CCSER1: variants seen among roughly 807,000 people sequenced by gnomAD.
CCSER1 encodes serine-rich coiled-coil domain-containing protein 1.
CCSER1 carries 41 observed loss-of-function variants against 82.0 expected under a neutral mutation model. The observed-to-expected ratio is 0.50, with a 90% CI of 0.39 to 0.65. The LOEUF is 0.65. Ranked by LOEUF, CCSER1 falls within the 30% of genes least tolerant of loss-of-function variation. The pLI, the probability that CCSER1 is intolerant of heterozygous loss-of-function variation, is 0.00. For missense variants in CCSER1, 1,119 were observed against 1,064.2 expected, an observed-to-expected ratio of 1.05 and a Z score of -0.72; for synonymous variants, 414 against 383.9, an observed-to-expected ratio of 1.08 and a Z score of -0.92.
At chr4:91,198,124 C>A (rs1581755237) in intron 10 of CCSER1, among the ~76,000 whole-genome samples, 1 of 152,242 alleles carries the variant, frequency 6.6e-6, no homozygotes, top group South Asian at 2.1e-4. Context: ...CCTTAATTTA[C>A]AAATGACAGA....
chr4:91,581,701 A>G (rs188544877), intron 10 of CCSER1, among the ~76,000 whole-genome samples: 1 of 151,744 alleles, frequency 6.6e-6, no homozygotes, highest in East Asian at 1.9e-4. Context: ...AAATTCAAAA[A>G]TAAGTATTAG....
At chr4:90,773,117 T>G (rs75038646) in intron 7 of CCSER1, among the ~76,000 whole-genome samples, 39,145 of 151,954 alleles carry the variant, frequency 0.26, 5,801 homozygotes, top group East Asian at 0.34. Flanking sequence ...GTGCATGCCC[T>G]TAATCCTAGC....
At chr4:90,710,314 G>A (rs910276710) in intron 6 of CCSER1, among the ~76,000 whole-genome samples, 1 of 151,866 alleles carries the variant, frequency 6.6e-6, no homozygotes, top group Admixed American at 6.6e-5. Flanking sequence ...TTTTTGCTGT[G>A]CAGCAGTTCT....
intron 3 of CCSER1, among the ~76,000 whole-genome samples, chr4:90,314,141 G>A (rs1735760317): frequency 6.6e-6 from 1 of 151,878 alleles, no homozygotes; most frequent in Non-Finnish European, 1.5e-5. Flanking sequence ...CTTAATCCTG[G>A]GCAAATTTGT....
Position 90,850,474 on chromosome 4 carries a change from G to A in CCSER1, c.2094+34629G>A, listed in dbSNP as rs368156011. Among the ~76,000 whole-genome samples the A allele has an allele frequency of 2.0e-4, 30 of 152,338 alleles. No individual in the cohort carries two copies. The East Asian group carries it at 4.6e-3, about 24-fold the overall frequency. ...CTTTATCCTGCAAATCTACAGGGGC[G>A]GAGCTGCCCAAGGCCATGGGAGCCC... On this transcript the variant is annotated intron_variant, in intron 8 of 10. Coordinates refer to ENST00000509176, the MANE Select transcript of CCSER1 (RefSeq NM_001145065.2).
chr4:90,264,802 G>T (rs1357370404), intron 1 of CCSER1, among the ~76,000 whole-genome samples: 1 of 151,894 alleles, frequency 6.6e-6, no homozygotes, highest in Non-Finnish European at 1.5e-5. Context: ...GATTATTAAG[G>T]TTATCTTGAT....
chr4:90,616,683 TCACACACACACACACACA>T (rs56988615), intron 5 of CCSER1, among the ~76,000 whole-genome samples: 1,792 of 120,370 alleles, frequency 0.015, 40 homozygotes, highest in African/African-American at 0.052. Flanking sequence ...TGGCTCTGTC[TCACACACACACACACACA>T]CACACACACA....
At chr4:90,658,267 A>G (rs1213792215) in intron 6 of CCSER1, among the ~76,000 whole-genome samples, 1 of 152,286 alleles carries the variant, frequency 6.6e-6, no homozygotes, top group African/African-American at 2.4e-5. Flanking sequence ...TGAGGCTCTA[A>G]CATTATTAAC....
At chr4:91,490,038 A>G (rs1003681977) in intron 10 of CCSER1, among the ~76,000 whole-genome samples, 3 of 152,198 alleles carry the variant, frequency 2.0e-5, no homozygotes, top group Non-Finnish European at 2.9e-5. Context: ...CAAAAGTACA[A>G]TGAGGTATGT....
intron 1 of CCSER1, among the ~76,000 whole-genome samples, chr4:90,138,831 T>C (rs1724195304): frequency 6.6e-6 from 1 of 152,184 alleles, no homozygotes; most frequent in Non-Finnish European, 1.5e-5. Flanking sequence ...TTTAAGACCT[T>C]TGGAATATGG....
Position 90,709,731 on chromosome 4 carries a change from G to A in CCSER1, c.1933-14183G>A, listed in dbSNP as rs183226425. 2.6e-5 allele frequency among the ~76,000 whole-genome samples: 4 copies of A among 152,184 alleles called. No homozygotes were observed. In the East Asian group the frequency reaches 7.7e-4, roughly 29 times the overall value. ...CCATGTCTTTGCTATTGTGAATAGT[G>A]CTGCAGTGAACATATGCATGCATGT... On this transcript the variant is annotated intron_variant, in intron 6 of 10. Transcript: ENST00000509176.
intron 10 of CCSER1, among the ~76,000 whole-genome samples, chr4:91,172,785 G>A (rs925167851): frequency 1.3e-5 from 2 of 151,818 alleles, no homozygotes; most frequent in Non-Finnish European, 2.9e-5. Flanking sequence ...ATCTTTGATT[G>A]GTTTGGGCTT....
At chr4:91,493,328 TTAAATC>T (rs1758650469) in intron 10 of CCSER1, among the ~76,000 whole-genome samples, 1 of 151,854 alleles carries the variant, frequency 6.6e-6, no homozygotes, top group Non-Finnish European at 1.5e-5. Context: ...GGGTAGATAA[TTAAATC>T]TAAAATAGAA....
chr4:91,161,054 T>C (rs948626291), intron 10 of CCSER1, among the ~76,000 whole-genome samples: 2 of 152,222 alleles, frequency 1.3e-5, no homozygotes, highest in African/African-American at 4.8e-5. Flanking sequence ...TTTAACTCTT[T>C]AATCCATCTT....
At chr4:90,422,692 G>A (rs538685388) in intron 4 of CCSER1, among the ~76,000 whole-genome samples, 1 of 152,054 alleles carries the variant, frequency 6.6e-6, no homozygotes, top group East Asian at 1.9e-4. Flanking sequence ...ACCAGATATG[G>A]GATTCTTAAC....
chr4:90,377,319 A>G (rs576874315), intron 3 of CCSER1, among the ~76,000 whole-genome samples: 2 of 152,334 alleles, frequency 1.3e-5, no homozygotes, highest in Admixed American at 6.5e-5. Context: ...ACCAACATTT[A>G]TGACTAGGTA....
intron 9 of CCSER1, among the ~76,000 whole-genome samples, chr4:90,968,996 A>G (rs1351437161): frequency 6.6e-6 from 1 of 151,948 alleles, no homozygotes; most frequent in Admixed American, 6.6e-5. Flanking sequence ...AAAAACAAAT[A>G]CAGGACTGAA....
intron 7 of CCSER1, among the ~76,000 whole-genome samples, chr4:90,780,244 T>G (rs529342357): frequency 6.6e-6 from 1 of 152,186 alleles, no homozygotes; most frequent in Non-Finnish European, 1.5e-5. Flanking sequence ...GTCTTTAACT[T>G]GTATGCTCTT....
intron 8 of CCSER1, among the ~76,000 whole-genome samples, chr4:90,825,544 T>A (rs1760302378): frequency 6.6e-6 from 1 of 151,970 alleles, no homozygotes; most frequent in South Asian, 2.1e-4. Flanking sequence ...GAAGGGGAAA[T>A]ATGTGTTTTT....
Sources: allele counts gnomAD v4.1 joint callset (sites outside exome capture counted in the v4.1 genomes callset), GRCh38; gene constraint gnomAD v4.1.1; transcripts MANE v1.5; gene names NCBI Gene and HGNC (gene_info 2026-07-23, HGNC 2026-07-21).